SPECC1: variants seen among roughly 807,000 people sequenced by gnomAD.
The protein encoded by SPECC1 is cytospin-B.
Under a neutral mutation model 104.1 loss-of-function variants are expected in SPECC1, and 62 were observed. The ratio of observed to expected loss-of-function variants is 0.60; its 90% CI spans 0.49 to 0.74. The LOEUF is 0.74. Among genes scored for constraint, SPECC1 ranks in the 30% least tolerant of loss-of-function variants. SPECC1 has a pLI of 0.00. For synonymous variants in SPECC1, 513 were observed against 501.6 expected, an observed-to-expected ratio of 1.02 and a Z score of -0.30; for missense variants, 1,306 against 1,310.5, an observed-to-expected ratio of 1.00 and a Z score of 0.05.
rs2038990453 is a variant in SPECC1 at position 20,237,549 on chromosome 17, A to T, written c.2351+5144A>T. On this transcript the variant is annotated intron_variant, in intron 7 of 14. Coordinates refer to ENST00000395527, the MANE Select transcript of SPECC1 (RefSeq NM_001243439.2). Reference sequence around the variant, plus strand: ...AGGCTGCTCTTGAACTCCTGACCTCAGGTGATCCCCACCTCAGCCTCCCAA... The same window carrying T: ...AGGCTGCTCTTGAACTCCTGACCTCTGGTGATCCCCACCTCAGCCTCCCAA... 4 of 193,394 alleles carry T rather than the reference A, an allele frequency of 2.1e-5. No individual in the cohort carries two copies. The East Asian group carries it at 3.3e-4, about 16-fold the overall frequency. The allele number at this position is 193,394 out of a possible 1,614,324, so 12.0% of individuals were successfully genotyped here.
At chr17:20,033,649 C>A (rs186997558) in intron 1 of SPECC1, among the ~76,000 whole-genome samples, 141 of 152,174 alleles carry the variant, frequency 9.3e-4, no homozygotes, top group Middle Eastern at 3.4e-3. Flanking sequence ...TTTTTAATAA[C>A]CAGTTGTTGT....
At chr17:20,249,620 A>T (rs1406409245) in intron 9 of SPECC1, among the ~76,000 whole-genome samples, 1 of 152,104 alleles carries the variant, frequency 6.6e-6, no homozygotes, top group Non-Finnish European at 1.5e-5. Context: ...GAAAACCACA[A>T]TGTATAAAAA....
At chr17:20,210,913 C>T (rs1379051910) in intron 4 of SPECC1, among the ~76,000 whole-genome samples, 1 of 152,196 alleles carries the variant, frequency 6.6e-6, no homozygotes, top group African/African-American at 2.4e-5. Context: ...GTTTTCTCGG[C>T]CTGAAGAGAC....
chr17:20,128,465 C>G (rs763061268), intron 3 of SPECC1, among the ~76,000 whole-genome samples: 1 of 152,090 alleles, frequency 6.6e-6, no homozygotes, highest in Non-Finnish European at 1.5e-5. Context: ...AAGGAGGGAG[C>G]AGGAAGCAGG....
chr17:20,298,986 G>GTGTGTGTGT (rs1346979673), intron 13 of SPECC1, among the ~76,000 whole-genome samples: 1 of 68,246 alleles, frequency 1.5e-5, no homozygotes, highest in Admixed American at 1.5e-4. Flanking sequence ...TAGAGAGAGA[G>GTGTGTGTGT]AGAGAGAGAG....
chr17:20,141,431 C>T (rs1240497400), intron 3 of SPECC1, among the ~76,000 whole-genome samples: 1 of 152,170 alleles, frequency 6.6e-6, no homozygotes, highest in East Asian at 1.9e-4. Flanking sequence ...CAGGCTCCCC[C>T]AGGCTTCAGT....
intron 14 of SPECC1, among the ~76,000 whole-genome samples, chr17:20,311,724 T>G (rs1254473704): frequency 6.6e-6 from 1 of 152,192 alleles, no homozygotes; most frequent in African/African-American, 2.4e-5. Flanking sequence ...GCCTTGTTCA[T>G]GATTTTACGG....
chr17:20,014,237 A>G (rs1365317050), intron 1 of SPECC1, among the ~76,000 whole-genome samples: 2 of 152,178 alleles, frequency 1.3e-5, no homozygotes, highest in Non-Finnish European at 2.9e-5. Context: ...TTTTTCACAC[A>G]TATCTAAACA....
chr17:20,261,416 G>A (rs2040018647), intron 12 of SPECC1, among the ~76,000 whole-genome samples: 1 of 151,388 alleles, frequency 6.6e-6, no homozygotes, highest in South Asian at 2.1e-4. Context: ...GCAGGAGAAT[G>A]GTGTGAACCC....
At chr17:20,311,104 T>G (rs1188389678) in intron 14 of SPECC1, among the ~76,000 whole-genome samples, 29 of 75,406 alleles carry the variant, frequency 3.8e-4, no homozygotes, top group African/African-American at 1.9e-3. Flanking sequence ...TAGTGGGGTT[T>G]TTTTTTTTTT....
At chr17:20,113,084 A>G in intron 3 of SPECC1, 4 of 693,508 alleles carry the variant, frequency 5.8e-6, no homozygotes, top group Non-Finnish European at 1.0e-5. Flanking sequence ...AAGAAATAAC[A>G]CTGTAAGGAA....
Position 20,237,284 on chromosome 17 carries a change from T to TTTG in SPECC1, c.2351+4900_2351+4902dup, listed in dbSNP as rs371945933. 1.2e-3 allele frequency: 1,290 copies of TTTG among 1,086,250 alleles called. 8 individuals carry two copies. The African/African-American group carries it at 0.013, about 11-fold the overall frequency. The allele number at this position is 1,086,250 out of a possible 1,614,324, so 67.3% of individuals were successfully genotyped here. ...AGCGCAGGCCCGAGTTCTTTTGTTT[T>TTTG]TTGTTGTTGTTGTTGTTGTTGTTTT... On this transcript the variant is annotated intron_variant, in intron 7 of 14. Coordinates refer to ENST00000395527, the MANE Select transcript of SPECC1 (RefSeq NM_001243439.2).
chr17:20,277,508 G>A (rs559649793), intron 12 of SPECC1, among the ~76,000 whole-genome samples: 1 of 152,304 alleles, frequency 6.6e-6, no homozygotes, highest in African/African-American at 2.4e-5. Flanking sequence ...AAGAGGGGGT[G>A]TGGTCTGTCC....
intron 1 of SPECC1, among the ~76,000 whole-genome samples, chr17:20,027,161 T>G (rs1435050556): frequency 2.0e-5 from 3 of 151,990 alleles, no homozygotes; most frequent in Non-Finnish European, 4.4e-5. Context: ...ATTTAAAAAT[T>G]TATACACTAA....
At chr17:20,186,879 T>C (rs946924049) in intron 3 of SPECC1, among the ~76,000 whole-genome samples, 1 of 152,160 alleles carries the variant, frequency 6.6e-6, no homozygotes, top group African/African-American at 2.4e-5. Flanking sequence ...TGGCCAATTT[T>C]TGTTTTTAAT....
chr17:20,223,175 T>G (rs1019017035), intron 4 of SPECC1, among the ~76,000 whole-genome samples: 2 of 152,132 alleles, frequency 1.3e-5, no homozygotes, highest in Non-Finnish European at 2.9e-5. Flanking sequence ...CTTACTAGAT[T>G]TGCGCTTTTT....
intron 3 of SPECC1, among the ~76,000 whole-genome samples, chr17:20,158,649 C>A (rs1458342299): frequency 6.6e-6 from 1 of 152,228 alleles, no homozygotes; most frequent in African/African-American, 2.4e-5. Flanking sequence ...TTTGGAAGAA[C>A]GTGCCTTCAG....
intron 3 of SPECC1, among the ~76,000 whole-genome samples, chr17:20,186,597 C>T (rs1333683500): frequency 6.6e-6 from 1 of 152,202 alleles, no homozygotes; most frequent in African/African-American, 2.4e-5. Flanking sequence ...GGGTCTCACT[C>T]CCATCGCTCA....
chr17:20,150,170 A>G (rs1261565137), intron 3 of SPECC1, among the ~76,000 whole-genome samples: 1 of 150,316 alleles, frequency 6.7e-6, no homozygotes, highest in East Asian at 2.0e-4. Context: ...AGTATAGTAG[A>G]GACAGGGTTT....
Sources: allele counts gnomAD v4.1 joint callset (sites outside exome capture counted in the v4.1 genomes callset), GRCh38; gene constraint gnomAD v4.1.1; transcripts MANE v1.5; gene names NCBI Gene and HGNC (gene_info 2026-07-23, HGNC 2026-07-21).